The following ATE1 variants were observed in gnomAD, a reference collection of about 807,000 sequenced individuals.
The protein encoded by ATE1 is arginyltransferase 1, also known as arginyl-tRNA--protein transferase 1.
A neutral mutation model predicts 70.5 loss-of-function variants in ATE1; 36 were observed. The ratio of observed to expected loss-of-function variants is 0.51; its 90% CI spans 0.39 to 0.67. The LOEUF is 0.67. Ranked by LOEUF, ATE1 falls within the 30% of genes least tolerant of loss-of-function variation. The probability of loss-of-function intolerance (pLI) is 0.00; values close to 1 mark genes in which losing one functional copy is unlikely to be tolerated. For synonymous variants in ATE1, 232 were observed against 219.3 expected (o/e 1.06, Z -0.51); for missense variants, 593 against 629.5 (o/e 0.94, Z 0.62).
chr10:121,926,706 A>G, intron 1 of ATE1: 1 of 984,708 alleles, frequency 1.0e-6, no homozygotes, highest in Non-Finnish European at 1.2e-6. Context: ...AGAAGGTAGA[A>G]ATCCACAATA....
intron 6 of ATE1, among the ~76,000 whole-genome samples, chr10:121,901,279 C>G (rs1287623688): frequency 6.6e-6 from 1 of 151,820 alleles, no homozygotes; most frequent in Non-Finnish European, 1.5e-5. Flanking sequence ...AAAAAAAAAG[C>G]TAAATTCTAC....
chr10:121,776,671 T>C (rs1945756502), intron 11 of ATE1, among the ~76,000 whole-genome samples: 1 of 152,230 alleles, frequency 6.6e-6, no homozygotes, highest in African/African-American at 2.4e-5. Flanking sequence ...ACTACCAGAG[T>C]GTACCACACG....
Position 121,759,699 on chromosome 10 carries a change from G to A in ATE1, c.1379-15841C>T, listed in dbSNP as rs61384858. Among the ~76,000 whole-genome samples the A allele has an allele frequency of 7.8e-3, 1,168 of 150,532 alleles. 13 individuals are homozygous for A. The highest frequency in any genetic ancestry group is 0.028 in the African/African-American group (1,128 of 40,806). Reference sequence around the variant, plus strand: ...AGACTGCGCCACTGCACTCCAGCCTGGGCAACAGAGTGGGACTCCGTCTCA... The same window carrying A: ...AGACTGCGCCACTGCACTCCAGCCTAGGCAACAGAGTGGGACTCCGTCTCA... On this transcript the variant is annotated intron_variant, in intron 11 of 11. Transcript: ENST00000224652.
chr10:121,794,183 CAT>C (rs1046885557), intron 10 of ATE1, among the ~76,000 whole-genome samples: 2 of 152,140 alleles, frequency 1.3e-5, no homozygotes, highest in Non-Finnish European at 2.9e-5. Flanking sequence ...ACCAGTACCA[CAT>C]AGTTTTAACT....
intron 7 of ATE1, among the ~76,000 whole-genome samples, chr10:121,870,428 G>T (rs1949811067): frequency 6.6e-6 from 1 of 152,130 alleles, no homozygotes; most frequent in African/African-American, 2.4e-5. Context: ...GCCAAGAGAA[G>T]AAGATATAAA....
chr10:121,751,278 C>T (rs967940015), intron 11 of ATE1, among the ~76,000 whole-genome samples: 6 of 152,230 alleles, frequency 3.9e-5, no homozygotes, highest in Non-Finnish European at 8.8e-5. Flanking sequence ...ATATAATTTA[C>T]ATACCATGTA....
chr10:121,800,570 A>C (rs1946837509), intron 10 of ATE1, among the ~76,000 whole-genome samples: 1 of 152,238 alleles, frequency 6.6e-6, no homozygotes, highest in Non-Finnish European at 1.5e-5. Flanking sequence ...GTCTATTTTG[A>C]AAGTTCAAGT....
intron 3 of ATE1, among the ~76,000 whole-genome samples, chr10:121,918,830 G>T (rs572402002): frequency 3.9e-5 from 6 of 152,048 alleles, no homozygotes; most frequent in South Asian, 2.1e-4. Flanking sequence ...GGGACGTGAA[G>T]AACTTTTCTT....
intron 11 of ATE1, among the ~76,000 whole-genome samples, chr10:121,761,913 C>T (rs1945056708): frequency 6.6e-6 from 1 of 152,150 alleles, no homozygotes. Context: ...TGATCCCCTA[C>T]TCATCCTCCA....
intron 10 of ATE1, among the ~76,000 whole-genome samples, chr10:121,800,558 CA>C (rs780436360): frequency 1.4e-4 from 22 of 152,148 alleles, no homozygotes; most frequent in Non-Finnish European, 3.1e-4. Flanking sequence ...GCTAAACCAG[CA>C]GTCTATTTTG....
At chr10:121,896,931 T>C (rs1039466797) in intron 7 of ATE1, among the ~76,000 whole-genome samples, 3 of 136,074 alleles carry the variant, frequency 2.2e-5, no homozygotes, top group African/African-American at 8.4e-5. Context: ...TTCCTCAAAA[T>C]GGCATACAAT....
intron 1 of ATE1, among the ~76,000 whole-genome samples, chr10:121,927,639 G>A (rs1952152372): frequency 6.6e-6 from 1 of 152,132 alleles, no homozygotes. Context: ...GAGAGTACGG[G>A]CACCGGTTAG....
intron 8 of ATE1, among the ~76,000 whole-genome samples, chr10:121,867,533 C>T (rs1270538368): frequency 2.0e-5 from 3 of 152,130 alleles, no homozygotes; most frequent in Admixed American, 1.3e-4. Flanking sequence ...GCCGTTTCCA[C>T]ATCAAATCAA....
At chr10:121,898,054 A>G (rs1177192580) in intron 7 of ATE1, among the ~76,000 whole-genome samples, 1 of 152,036 alleles carries the variant, frequency 6.6e-6, no homozygotes. Context: ...CAAAAAATCA[A>G]AACTCTAATT....
At chr10:121,926,319 A>G (rs1389490227) in intron 1 of ATE1, among the ~76,000 whole-genome samples, 1 of 152,216 alleles carries the variant, frequency 6.6e-6, no homozygotes, top group East Asian at 1.9e-4. Flanking sequence ...ATGGCACTGG[A>G]GTCCAACAGA....
chr10:121,863,620 T>G (rs1481794093), intron 8 of ATE1, among the ~76,000 whole-genome samples: 1 of 152,150 alleles, frequency 6.6e-6, no homozygotes, highest in Non-Finnish European at 1.5e-5. Flanking sequence ...TTTTCATTTT[T>G]ATTTTTAGAG....
chr10:121,897,063 A>G (rs1458326201), intron 7 of ATE1, among the ~76,000 whole-genome samples: 1 of 152,104 alleles, frequency 6.6e-6, no homozygotes, highest in Non-Finnish European at 1.5e-5. Context: ...TCCCTCAGAA[A>G]AACCTCTCTA....
chr10:121,906,511 A>G (rs1951197295), intron 5 of ATE1, among the ~76,000 whole-genome samples: 1 of 150,336 alleles, frequency 6.7e-6, no homozygotes, highest in African/African-American at 2.4e-5. Flanking sequence ...CCTGGGAGAC[A>G]GAGTAAGACC....
chr10:121,877,645 CA>C (rs1159735659), intron 7 of ATE1, among the ~76,000 whole-genome samples: 1 of 144,770 alleles, frequency 6.9e-6, no homozygotes, highest in African/African-American at 2.4e-5. Context: ...TTCAAATGGC[CA>C]ATAAATACGT....
Sources: gnomAD v4.1 joint callset for allele counts (sites outside exome capture counted in the v4.1 genomes callset) on GRCh38, gnomAD v4.1.1 for gene constraint, MANE v1.5 for transcripts, NCBI Gene and HGNC (gene_info 2026-07-23, HGNC 2026-07-21) for gene names.